Variants in DAZL observed in about 807,000 individuals in gnomAD.
DAZL encodes deleted in azoospermia-like.
In DAZL, 4 loss-of-function variants were observed where a neutral mutation model predicts 45.0. The observed-to-expected ratio is 0.09, with a 90% CI of 0.04 to 0.20. The LOEUF (loss-of-function observed/expected upper bound fraction) is 0.20, where lower values mean the gene tolerates loss of function less well. Among genes scored for constraint, DAZL ranks in the 10% least tolerant of loss-of-function variants. The pLI is 1.00. For missense variants in DAZL, 326 were observed against 351.3 expected, an observed-to-expected ratio of 0.93 and a Z score of 0.58; for synonymous variants, 122 against 112.4, an observed-to-expected ratio of 1.09 and a Z score of -0.54.
intron 1 of DAZL, among the ~76,000 whole-genome samples, chr3:16,602,180 A>C (rs1015155244): frequency 6.6e-6 from 1 of 152,198 alleles, no homozygotes; most frequent in Non-Finnish European, 1.5e-5. Flanking sequence ...AAGCAAGAAA[A>C]GGCAAGAAAG....
intron 1 of DAZL, among the ~76,000 whole-genome samples, chr3:16,601,138 G>T (rs776233402): frequency 6.6e-6 from 1 of 152,200 alleles, no homozygotes; most frequent in South Asian, 2.1e-4. Flanking sequence ...GTTCAGTAAA[G>T]TAAGTCTTTT....
chr3:16,588,832 G>A (rs1694476572), intron 10 of DAZL, 119 bp from the exon 11 acceptor site: 8 of 777,598 alleles, frequency 1.0e-5, no homozygotes, highest in South Asian at 1.0e-4. Context: ...TAAATAATGA[G>A]AAAAAAGATT....
rs528215816 is a variant in DAZL at position 16,587,517 on chromosome 3, A to G, written c.*1143T>C. The G allele has an allele frequency of 2.9e-5, 2 of 68,534 alleles. No homozygotes were observed. The highest frequency in any genetic ancestry group is 1.6e-4 in the African/African-American group (2 of 12,424). 4.2% of individuals were successfully genotyped at this position (68,534 alleles called of 1,614,324 possible). On this transcript the variant is annotated 3_prime_UTR_variant, in exon 11 of 11. Transcript: ENST00000399444. ...GACTAGTGACAAAGGCTGGAAACGA[A>G]AGACTGTGGTATAGCAAAAGGGCTC... is the stretch of plus-strand genomic sequence containing the variant.
In DAZL at chr3:16,588,391, A is replaced by G. The variant is rs557096383; in HGVS notation, c.*269T>C. ...TTTGCTTTTAAACACTTAAAATGCC[A>G]ATTTTTAAAAAATCCTTGCAGATAA... On this transcript the variant is annotated 3_prime_UTR_variant, in exon 11 of 11. Transcript: ENST00000399444. 2.7e-6 allele frequency: 1 copy of G among 374,506 alleles called. No homozygotes were observed. Among genetic ancestry groups the G allele is most frequent in the African/African-American group, 2.1e-5 (1 of 48,686 alleles). 23.2% of individuals were successfully genotyped at this position (374,506 alleles called of 1,614,324 possible). A position where few individuals can be genotyped will look rare whatever the true frequency, so the allele number is the denominator to read the frequency against.
chr3:16,599,287 CACT>C (rs1185382474), intron 1 of DAZL, among the ~76,000 whole-genome samples: 2 of 151,796 alleles, frequency 1.3e-5, no homozygotes, highest in African/African-American at 4.8e-5. Flanking sequence ...TTACTGAGTA[CACT>C]AATAAAAAGG....
At chr3:16,596,395 A>C (rs1694600055) in intron 6 of DAZL, among the ~76,000 whole-genome samples, 1 of 152,072 alleles carries the variant, frequency 6.6e-6, no homozygotes. Context: ...ATTGCAAATA[A>C]AGAATAGCTA....
At chr3:16,591,914 T>C in intron 10 of DAZL, 136 bp downstream of exon 10, 1 of 1,018,422 alleles carries the variant, frequency 9.8e-7, no homozygotes, top group Non-Finnish European at 1.5e-6. Context: ...CCACTCTGGT[T>C]TACTGTGTTA....
chr3:16,593,637 A>G lies in DAZL; in HGVS notation c.735+18T>C, dbSNP rs763674580. The G allele has an allele frequency of 2.0e-6, 3 of 1,463,908 alleles. No homozygotes were observed. In the South Asian group the frequency reaches 3.5e-5, roughly 17 times the overall value. The allele number at this position is 1,463,908 out of a possible 1,614,324, so 90.7% of individuals were successfully genotyped here. On this transcript the variant is annotated intron_variant, in intron 9 of 10. Transcript: ENST00000399444. ...AAAAATAAATATGAAATATATATAA[A>G]CAAAATTAGATGTTTGCCTTTTGTG...
chr3:16,605,075 C>T lies in DAZL; in HGVS notation c.3+128G>A. The T allele has an allele frequency of 1.1e-5, 13 of 1,208,656 alleles. No individual in the cohort carries two copies. In the South Asian group the frequency reaches 1.4e-4, roughly 13 times the overall value. The allele number at this position is 1,208,656 out of a possible 1,614,324, so 74.9% of individuals were successfully genotyped here. A position where few individuals can be genotyped will look rare whatever the true frequency, so the allele number is the denominator to read the frequency against. ...AACTCTGTGGGCCATGGCTGTGGTG[C>T]GTCCAGGCAGGTGCCCCCCAAACAG... On this transcript the variant is annotated intron_variant, in intron 1 of 10. Transcript: ENST00000399444.
At chr3:16,590,662 A>G (rs1694503834) in intron 10 of DAZL, among the ~76,000 whole-genome samples, 1 of 152,246 alleles carries the variant, frequency 6.6e-6, no homozygotes, top group African/African-American at 2.4e-5. Flanking sequence ...GATAAACAGA[A>G]TGAATAATAG....
chr3:16,592,465 G>A (rs1361351628), intron 9 of DAZL, among the ~76,000 whole-genome samples: 3 of 151,390 alleles, frequency 2.0e-5, no homozygotes, highest in African/African-American at 4.9e-5. Context: ...CTACTCAGGA[G>A]GCTGAGGCAG....
chr3:16,601,040 T>C (rs2125048306), intron 1 of DAZL, among the ~76,000 whole-genome samples: 1 of 152,286 alleles, frequency 6.6e-6, no homozygotes, highest in East Asian at 1.9e-4. Flanking sequence ...GGTCCAAAAT[T>C]TGAATAGGGT....
chr3:16,593,802 GAT>G, intron 8 of DAZL, 34 bp from the exon 9 acceptor site: 2 of 1,328,814 alleles, frequency 1.5e-6, no homozygotes, highest in Non-Finnish European at 2.1e-6. Context: ...TAATTAAACA[GAT>G]ATACAGATAT....
intron 1 of DAZL, chr3:16,604,551 C>T: frequency 2.8e-6 from 4 of 1,445,482 alleles, no homozygotes; most frequent in East Asian, 5.1e-5. Flanking sequence ...GAGGCACTTC[C>T]GGCCCAGCCC....
At chr3:16,591,354 C>T (rs1694515257) in intron 10 of DAZL, among the ~76,000 whole-genome samples, 1 of 152,136 alleles carries the variant, frequency 6.6e-6, no homozygotes, top group African/African-American at 2.4e-5. Context: ...TCACTTTACC[C>T]CTTTTCTCCC....
intron 1 of DAZL, among the ~76,000 whole-genome samples, chr3:16,598,899 T>G (rs949573443): frequency 9.9e-5 from 15 of 151,796 alleles, no homozygotes; most frequent in Non-Finnish European, 2.1e-4. Context: ...TTCTCCTGCC[T>G]CAGCCTCCTG....
intron 10 of DAZL, 129 bp downstream of exon 10, chr3:16,591,921 G>T: frequency 9.1e-7 from 1 of 1,096,322 alleles, no homozygotes; most frequent in Non-Finnish European, 1.4e-6. Flanking sequence ...GGTTTACTGT[G>T]TTATAGTCAA....
intron 9 of DAZL, among the ~76,000 whole-genome samples, chr3:16,592,960 G>GA (rs1445708917): frequency 6.6e-6 from 1 of 152,128 alleles, no homozygotes; most frequent in Admixed American, 6.5e-5. Context: ...ATGATAAAAA[G>GA]AAGAAAGAAC....
chr3:16,592,188 T>C (rs1694530763), intron 9 of DAZL, 40 bp from the exon 10 acceptor site: 1 of 1,604,708 alleles, frequency 6.2e-7, no homozygotes, highest in Non-Finnish European at 8.5e-7. Context: ...AGACGACTCT[T>C]TCACTCACTC....
Sources: allele counts gnomAD v4.1 joint callset (sites outside exome capture counted in the v4.1 genomes callset), GRCh38; gene constraint gnomAD v4.1.1; transcripts MANE v1.5; gene names NCBI Gene and HGNC (gene_info 2026-07-23, HGNC 2026-07-21).